The following PCSK5 variants were observed in gnomAD, a reference collection of about 807,000 sequenced individuals.
The protein encoded by PCSK5 is prohormone convertase 5.
In PCSK5, 129 loss-of-function variants were observed where a neutral mutation model predicts 233.2. That is an observed-to-expected ratio of 0.55 (90% CI 0.48 to 0.64). The LOEUF (loss-of-function observed/expected upper bound fraction) is 0.64. PCSK5 is among the 30% of genes least tolerant of loss of function. The probability of loss-of-function intolerance (pLI) is 0.00; values close to 1 mark genes in which losing one functional copy is unlikely to be tolerated. For missense variants in PCSK5, 2,076 were observed against 2,430.1 expected (o/e 0.85, Z 3.06); for synonymous variants, 825 against 879.2 (o/e 0.94, Z 1.09).
intron 7 of PCSK5, among the ~76,000 whole-genome samples, chr9:76,072,736 C>T (rs1830522064): frequency 6.6e-6 from 1 of 152,140 alleles, no homozygotes; most frequent in South Asian, 2.1e-4. Flanking sequence ...CAGCACAGAA[C>T]GCTTTCCTTG....
At chr9:76,097,657 G>C (rs185519654) in intron 8 of PCSK5, among the ~76,000 whole-genome samples, 57 of 152,326 alleles carry the variant, frequency 3.7e-4, no homozygotes, top group African/African-American at 1.3e-3. Context: ...AAATTAATCT[G>C]TCTGTCTCAA....
At chr9:76,159,828 T>TG (rs1822772625) in intron 12 of PCSK5, among the ~76,000 whole-genome samples, 1 of 146,230 alleles carries the variant, frequency 6.8e-6, no homozygotes, top group South Asian at 2.3e-4. Context: ...TTTTTTTTTT[T>TG]TTTTTTTTTT....
intron 10 of PCSK5, among the ~76,000 whole-genome samples, chr9:76,150,160 T>C (rs562661203): frequency 6.6e-6 from 1 of 152,296 alleles, no homozygotes; most frequent in South Asian, 2.1e-4. Context: ...TGTCTGACTA[T>C]GTACAGCTGC....
rs76990530 is a variant in PCSK5, at chr9:75,967,489, T to C, written c.298-18643T>C. 9.4e-3 allele frequency among the ~76,000 whole-genome samples: 1,437 copies of C among 152,328 alleles called. 29 individuals carry two copies. Among genetic ancestry groups the C allele is most frequent in the African/African-American group, 0.033 (1,389 of 41,558 alleles). ...GTATGTGGAGAGCAACATTTTCTAA[T>C]GCAGAGCCTGGAAGCAGCTATGATG... On this transcript the variant is annotated intron_variant, in intron 2 of 37. Transcript: ENST00000674117.
At chr9:76,117,187 A>G (rs1832461924) in intron 9 of PCSK5, among the ~76,000 whole-genome samples, 2 of 152,076 alleles carry the variant, frequency 1.3e-5, no homozygotes, top group African/African-American at 4.8e-5. Flanking sequence ...ACTAGAATAC[A>G]TCTATGAACA....
At chr9:76,357,842 A>C (rs928472214) in intron 37 of PCSK5, among the ~76,000 whole-genome samples, 1 of 152,218 alleles carries the variant, frequency 6.6e-6, no homozygotes, top group Non-Finnish European at 1.5e-5. Context: ...TGGCTCTCAG[A>C]GTCAGTAGTT....
At chr9:75,951,925 AC>A (rs1451688414) in intron 2 of PCSK5, among the ~76,000 whole-genome samples, 2 of 151,230 alleles carry the variant, frequency 1.3e-5, no homozygotes, top group Non-Finnish European at 3.0e-5. Context: ...CCAAGGGATG[AC>A]TGTATTTTAA....
intron 20 of PCSK5, among the ~76,000 whole-genome samples, chr9:76,220,468 A>C (rs1238112883): frequency 6.8e-6 from 1 of 148,086 alleles, no homozygotes; most frequent in African/African-American, 2.5e-5. Flanking sequence ...CAGAGGTTGC[A>C]GTGAGCTGAA....
intron 9 of PCSK5, among the ~76,000 whole-genome samples, chr9:76,107,742 C>T (rs1030568048): frequency 4.6e-5 from 7 of 152,168 alleles, no homozygotes; most frequent in South Asian, 2.1e-4. Flanking sequence ...TCCGATTCCA[C>T]GACAATAGCA....
intron 24 of PCSK5, among the ~76,000 whole-genome samples, chr9:76,289,638 G>A (rs1828218118): frequency 6.6e-6 from 1 of 151,856 alleles, no homozygotes; most frequent in Non-Finnish European, 1.5e-5. Context: ...CTAGATTTGG[G>A]ATTGTTACCT....
chr9:75,950,708 A>G (rs1824815838), intron 2 of PCSK5, among the ~76,000 whole-genome samples: 1 of 152,224 alleles, frequency 6.6e-6, no homozygotes, highest in African/African-American at 2.4e-5. Flanking sequence ...ATGGAAAGGA[A>G]CAACAGGTAC....
At chr9:75,983,911 C>T (rs1826384298) in intron 2 of PCSK5, among the ~76,000 whole-genome samples, 1 of 152,112 alleles carries the variant, frequency 6.6e-6, no homozygotes, top group South Asian at 2.1e-4. Flanking sequence ...ACTTTTCCCA[C>T]TTTCCAAAAA....
intron 3 of PCSK5, among the ~76,000 whole-genome samples, chr9:75,996,307 T>G (rs1827019542): frequency 1.3e-5 from 2 of 152,190 alleles, no homozygotes; most frequent in Non-Finnish European, 2.9e-5. Context: ...CCTATATTAT[T>G]CCTGATGCCA....
chr9:76,268,795 T>C (rs1314919287), intron 24 of PCSK5, among the ~76,000 whole-genome samples: 1 of 152,176 alleles, frequency 6.6e-6, no homozygotes, highest in East Asian at 1.9e-4. Context: ...CAGTAACCTG[T>C]GACCGTCCCA....
chr9:75,905,601 A>C (rs1587340576), intron 1 of PCSK5, among the ~76,000 whole-genome samples: 1 of 152,264 alleles, frequency 6.6e-6, no homozygotes, highest in Non-Finnish European at 1.5e-5. Flanking sequence ...GAAAGCAGGG[A>C]TCCCTAACCC....
rs537497931 is a variant in PCSK5 at position 76,261,053 on chromosome 9, C to T, written c.3142+20369C>T. Among the ~76,000 whole-genome samples the T allele has an allele frequency of 9.8e-5, 15 of 152,292 alleles. No homozygotes were observed. The South Asian group carries it at 3.1e-3, about 32-fold the overall frequency. ...TCTTAGTTGCCTTACAAGAATTATT[C>T]ACCACCTTCAAGGTCCAGGTGTTGT... On this transcript the variant is annotated intron_variant, in intron 24 of 37. Coordinates refer to ENST00000674117, the MANE Select transcript of PCSK5 (RefSeq NM_001372043.1).
chr9:76,317,246 C>T (rs1829060226), intron 30 of PCSK5, among the ~76,000 whole-genome samples: 1 of 152,030 alleles, frequency 6.6e-6, no homozygotes, highest in South Asian at 2.1e-4. Flanking sequence ...GCCTGTAGTC[C>T]CAGCTACTCA....
At chr9:76,151,830 T>G (rs1372363467) in intron 10 of PCSK5, among the ~76,000 whole-genome samples, 1 of 152,234 alleles carries the variant, frequency 6.6e-6, no homozygotes, top group East Asian at 1.9e-4. Flanking sequence ...TCTCAAATTA[T>G]AAAGTTATTC....
chr9:76,210,573 T>C (rs749353962), intron 20 of PCSK5, among the ~76,000 whole-genome samples: 15 of 152,136 alleles, frequency 9.9e-5, no homozygotes, highest in Non-Finnish European at 2.2e-4. Flanking sequence ...GAGGGTAAAA[T>C]TGAAGCAAGG....
Sources: gnomAD v4.1 joint callset for allele counts (sites outside exome capture counted in the v4.1 genomes callset) on GRCh38, gnomAD v4.1.1 for gene constraint, MANE v1.5 for transcripts, NCBI Gene and HGNC (gene_info 2026-07-23, HGNC 2026-07-21) for gene names.